MKRN2: variants seen among roughly 807,000 people sequenced by gnomAD.
MKRN2 encodes the protein E3 ubiquitin-protein ligase makorin-2.
MKRN2 carries 32 observed loss-of-function variants against 45.4 expected under a neutral mutation model. The observed-to-expected ratio is 0.70, with a 90% CI of 0.53 to 0.95. MKRN2 has a LOEUF of 0.95. Ranked by LOEUF, MKRN2 falls within the 40% of genes least tolerant of loss-of-function variation. MKRN2 has a pLI of 0.00. For missense variants in MKRN2, 526 were observed against 536.7 expected, an observed-to-expected ratio of 0.98 and a Z score of 0.20; for synonymous variants, 206 against 192.4, an observed-to-expected ratio of 1.07 and a Z score of -0.59.
intron 6 of MKRN2, among the ~76,000 whole-genome samples, 156 bp from the exon 7 acceptor site, chr3:12,581,652 A>G (rs1263429667): frequency 1.3e-5 from 2 of 152,170 alleles, no homozygotes; most frequent in Non-Finnish European, 2.9e-5. Context: ...GACCTGAGAC[A>G]AATCACTCAA....
chr3:12,567,575 A>G (rs1177736378), intron 1 of MKRN2, among the ~76,000 whole-genome samples: 1 of 128,038 alleles, frequency 7.8e-6, no homozygotes, highest in African/African-American at 3.0e-5. Context: ...CGCAACCTCC[A>G]CCTCCTGAGT....
chr3:12,577,576 G>A (rs2058149557), intron 6 of MKRN2, among the ~76,000 whole-genome samples: 2 of 151,920 alleles, frequency 1.3e-5, no homozygotes, highest in Admixed American at 1.3e-4. Context: ...ACATTTTCCT[G>A]ATTCTTCGTA....
chr3:12,576,300 C>A (rs2058136278), intron 5 of MKRN2, among the ~76,000 whole-genome samples: 1 of 150,626 alleles, frequency 6.6e-6, no homozygotes, highest in South Asian at 2.1e-4. Flanking sequence ...TATCCATGTG[C>A]CACGGTGGTT....
intron 1 of MKRN2, among the ~76,000 whole-genome samples, chr3:12,562,697 T>A (rs1478712150): frequency 6.6e-6 from 1 of 152,048 alleles, no homozygotes; most frequent in Admixed American, 6.6e-5. Context: ...GAGCTCCACC[T>A]CCTGTCAGAT....
rs2058190505 is a variant in MKRN2 at position 12,582,490 on chromosome 3, C to T, written c.*237C>T. On this transcript the variant is annotated 3_prime_UTR_variant, in exon 8 of 8. Coordinates refer to ENST00000170447, the MANE Select transcript of MKRN2 (RefSeq NM_014160.5). ...TATTTTTATAGCTGATATAGTTACA[C>T]CTCAAGCCCCTCAGGGGTAACAACT... 1 of 478,622 alleles carries T rather than the reference C, an allele frequency of 2.1e-6. No homozygotes were observed. Among genetic ancestry groups the T allele is most frequent in the South Asian group, 3.5e-5 (1 of 28,412 alleles). 29.6% of individuals were successfully genotyped at this position (478,622 alleles called of 1,614,324 possible).
intron 1 of MKRN2, 65 bp downstream of exon 1, chr3:12,557,241 C>T: frequency 6.6e-7 from 1 of 1,512,158 alleles, no homozygotes; most frequent in East Asian, 2.7e-5. Flanking sequence ...CGGTGCGCGC[C>T]AGTGCTGTGG....
At chr3:12,576,123 T>G (rs1295747711) in intron 5 of MKRN2, among the ~76,000 whole-genome samples, 1 of 152,122 alleles carries the variant, frequency 6.6e-6, no homozygotes, top group Non-Finnish European at 1.5e-5. Context: ...GGCTGCACCC[T>G]TTTACATTCT....
At chr3:12,581,459 G>A (rs2058177823) in intron 6 of MKRN2, among the ~76,000 whole-genome samples, 1 of 152,154 alleles carries the variant, frequency 6.6e-6, no homozygotes, top group African/African-American at 2.4e-5. Context: ...GTGCCCAGAG[G>A]AGTGACCAGG....
rs1255557037 is a variant in MKRN2, at chr3:12,581,908, C to T, written c.1069C>T (p.Pro357Ser). ...TTACCCCGATGGGCGGCTAGCAGAG[C>T]CTGAGAAACCTCGGAAACAGCTCAG... is the stretch of plus-strand genomic sequence containing the variant. ...HAYPDGRLAE[P>S]EKPRKQLSSQ... Residue 357 changes from proline (P) to serine (S), a missense_variant, in exon 7 of 8, where the codon CCT becomes TCT. Physicochemically the swap from Pro to Ser is moderately conservative, Grantham distance 74. Coordinates refer to ENST00000170447, the MANE Select transcript of MKRN2 (RefSeq NM_014160.5). The T allele has an allele frequency of 6.2e-7, 1 of 1,614,070 alleles. No individual in the cohort carries two copies. Among genetic ancestry groups the T allele is most frequent in the African/African-American group, 1.3e-5 (1 of 74,924 alleles).
intron 5 of MKRN2, among the ~76,000 whole-genome samples, chr3:12,575,564 T>C (rs2058128761): frequency 6.6e-6 from 1 of 152,148 alleles, no homozygotes; most frequent in Non-Finnish European, 1.5e-5. Flanking sequence ...ACTCCACATC[T>C]GTCCGCTCAT....
chr3:12,565,950 C>T (rs1559387567), intron 1 of MKRN2, among the ~76,000 whole-genome samples: 1 of 152,128 alleles, frequency 6.6e-6, no homozygotes, highest in Non-Finnish European at 1.5e-5. Context: ...GAGCTCACTG[C>T]AGGCTCTCTC....
At chr3:12,565,144 T>A (rs377402651) in intron 1 of MKRN2, among the ~76,000 whole-genome samples, 23 of 152,234 alleles carry the variant, frequency 1.5e-4, no homozygotes, top group African/African-American at 5.1e-4. Context: ...TACCTAGGCG[T>A]AGAATTGTTG....
At position 12,557,181 on chromosome 3, in the gene MKRN2, G is replaced by T; in HGVS notation, c.26+5G>T. On this transcript the variant is annotated splice_donor_5th_base_variant and intron_variant, in intron 1 of 7. Transcript: ENST00000170447. ...CACCAAGCAGATCACTTGCAGGTCA[G>T]TGCGCTGGAGCCAGGAGCTTCGGGC... is the stretch of plus-strand genomic sequence containing the variant. The T allele has an allele frequency of 6.5e-7, 1 of 1,536,212 alleles. No individual in the cohort carries two copies. The highest frequency in any genetic ancestry group is 8.7e-7 in the Non-Finnish European group (1 of 1,143,284).
intron 6 of MKRN2, among the ~76,000 whole-genome samples, chr3:12,577,827 C>T (rs998280388): frequency 6.6e-6 from 1 of 152,126 alleles, no homozygotes; most frequent in Non-Finnish European, 1.5e-5. Flanking sequence ...AGGCATGCAC[C>T]ACTGCACCTG....
chr3:12,564,055 C>T (rs2058055986), intron 1 of MKRN2, among the ~76,000 whole-genome samples: 2 of 151,960 alleles, frequency 1.3e-5, no homozygotes, highest in Non-Finnish European at 2.9e-5. Flanking sequence ...AAGTGATTCT[C>T]CTGCCTCGGC....
At position 12,582,705 on chromosome 3, in the gene MKRN2, C is replaced by T. The variant is rs2058193806; in HGVS notation, c.*452C>T. 6.3e-6 allele frequency: 1 copy of T among 157,716 alleles called. No homozygotes were observed. Among genetic ancestry groups the T allele is most frequent in the Admixed American group, 6.0e-5 (1 of 16,616 alleles). 9.8% of individuals were successfully genotyped at this position (157,716 alleles called of 1,614,324 possible). A position where few individuals can be genotyped will look rare whatever the true frequency, so the allele number is the denominator to read the frequency against. ...TATTTCTCTAGTGTATTTAGTGTGT[C>T]GTCAAAATTTTGATTTATACAGAGC... On this transcript the variant is annotated 3_prime_UTR_variant, in exon 8 of 8. Transcript: ENST00000170447.
chr3:12,567,211 G>GTT lies in MKRN2; in HGVS notation c.27-1653_27-1652dup, dbSNP rs34670828. Among the ~76,000 whole-genome samples, 480 of 139,452 alleles carry GTT rather than the reference G, an allele frequency of 3.4e-3. 1 individual carries two copies. Among genetic ancestry groups the GTT allele is most frequent in the Non-Finnish European group, 4.4e-3 (282 of 63,564 alleles). The allele number at this position is 139,452 out of a possible 152,430, so 91.5% of individuals were successfully genotyped here. On this transcript the variant is annotated intron_variant, in intron 1 of 7. Transcript: ENST00000170447. ...AGTTATATACTTGCTATCAGCTTGT[G>GTT]TTTTTTTTTTTTAAGCCTTATTAGG... is the stretch of plus-strand genomic sequence containing the variant.
intron 4 of MKRN2, among the ~76,000 whole-genome samples, chr3:12,573,095 T>C (rs2058109477): frequency 6.6e-6 from 1 of 152,078 alleles, no homozygotes; most frequent in South Asian, 2.1e-4. Context: ...TTTTGGAAGA[T>C]TTGAGCCCAA....
chr3:12,562,441 A>G (rs1404015849), intron 1 of MKRN2, among the ~76,000 whole-genome samples: 1 of 152,182 alleles, frequency 6.6e-6, no homozygotes, highest in Middle Eastern at 3.2e-3. Flanking sequence ...CGGTATTGTA[A>G]ATAACAGGAA....
Sources: allele counts gnomAD v4.1 joint callset (sites outside exome capture counted in the v4.1 genomes callset), GRCh38; gene constraint gnomAD v4.1.1; transcripts MANE v1.5; gene names NCBI Gene and HGNC (gene_info 2026-07-23, HGNC 2026-07-21).